Variants in GRID2 observed in about 807,000 individuals in gnomAD.
The protein encoded by GRID2 is glutamate ionotropic receptor delta type subunit 2.
GRID2 carries 33 observed loss-of-function variants against 114.8 expected under a neutral mutation model. That is an observed-to-expected ratio of 0.29 (90% CI 0.22 to 0.38). The LOEUF (loss-of-function observed/expected upper bound fraction) is 0.38, where lower values mean the gene tolerates loss of function less well. Ranked by LOEUF, GRID2 falls within the 10% of genes least tolerant of loss-of-function variation. The pLI is 1.00. For missense variants in GRID2, 1,184 were observed against 1,257.7 expected (o/e 0.94, Z 0.89); for synonymous variants, 505 against 449.9 (o/e 1.12, Z -1.55).
rs145493635 is a variant in GRID2 at position 92,670,367 on chromosome 4, C to G, written c.244+80081C>G. ...TATCATTTTTGGGAGCTTGCAGTGG[C>G]TTTGGGAACTTTTTTTTAAACTGAT... On this transcript the variant is annotated intron_variant, in intron 2 of 15. Coordinates refer to ENST00000282020, the MANE Select transcript of GRID2 (RefSeq NM_001510.4). Among the ~76,000 whole-genome samples, 5 of 152,068 alleles carry G rather than the reference C, an allele frequency of 3.3e-5. No homozygotes were observed. The East Asian group carries it at 9.7e-4, about 29-fold the overall frequency.
chr4:92,606,333 T>C (rs1729448817), intron 2 of GRID2, among the ~76,000 whole-genome samples: 1 of 151,180 alleles, frequency 6.6e-6, no homozygotes, highest in Non-Finnish European at 1.5e-5. Flanking sequence ...TTATTAGCGT[T>C]TTACAGATGA....
chr4:93,476,764 T>C (rs955578303), intron 11 of GRID2, among the ~76,000 whole-genome samples: 1 of 152,118 alleles, frequency 6.6e-6, no homozygotes, highest in Non-Finnish European at 1.5e-5. Flanking sequence ...TGGGAGTCAA[T>C]AAGTGTTTGG....
At chr4:93,064,039 A>G (rs1375138163) in intron 2 of GRID2, among the ~76,000 whole-genome samples, 1 of 116,484 alleles carries the variant, frequency 8.6e-6, no homozygotes, top group African/African-American at 3.5e-5. Flanking sequence ...TGTTTAACAT[A>G]TTACGCTGTT....
chr4:92,788,401 G>A (rs1739419172), intron 2 of GRID2, among the ~76,000 whole-genome samples: 1 of 151,826 alleles, frequency 6.6e-6, no homozygotes, highest in Non-Finnish European at 1.5e-5. Flanking sequence ...AATGGGAAAG[G>A]GGAATATAGC....
chr4:92,772,302 A>C (rs1738581643), intron 2 of GRID2, among the ~76,000 whole-genome samples: 1 of 152,088 alleles, frequency 6.6e-6, no homozygotes, highest in Non-Finnish European at 1.5e-5. Context: ...CTAACTACAT[A>C]TCTCAATCTT....
chr4:93,392,142 G>A (rs547898054), intron 8 of GRID2, among the ~76,000 whole-genome samples: 1 of 152,134 alleles, frequency 6.6e-6, no homozygotes, highest in South Asian at 2.1e-4. Flanking sequence ...GTGCTGCAAG[G>A]GCCATCTTTA....
intron 2 of GRID2, among the ~76,000 whole-genome samples, chr4:92,729,019 T>C (rs1056178538): frequency 2.0e-5 from 3 of 152,098 alleles, no homozygotes; most frequent in Non-Finnish European, 4.4e-5. Flanking sequence ...TAGGTATTCA[T>C]TCTATAATGC....
At chr4:93,133,728 A>G (rs546757372) in intron 4 of GRID2, among the ~76,000 whole-genome samples, 5 of 152,192 alleles carry the variant, frequency 3.3e-5, no homozygotes, top group African/African-American at 1.2e-4. Context: ...ATTTCCCCTA[A>G]TTACCAACAG....
chr4:93,793,399 C>A (rs80087518), intron 1 of GRID2, among the ~76,000 whole-genome samples: 3,150 of 152,214 alleles, frequency 0.021, 59 homozygotes, highest in Non-Finnish European at 0.033. Flanking sequence ...TGATCTATAG[C>A]ACACTTTAAA....
intron 2 of GRID2, among the ~76,000 whole-genome samples, chr4:92,819,391 A>G (rs1001433459): frequency 5.3e-5 from 8 of 152,112 alleles, no homozygotes; most frequent in African/African-American, 1.9e-4. Flanking sequence ...CCACTGGACT[A>G]AAATGAAGGG....
intron 1 of GRID2, among the ~76,000 whole-genome samples, chr4:92,532,388 C>T (rs1266943387): frequency 6.6e-6 from 1 of 152,170 alleles, no homozygotes; most frequent in East Asian, 1.9e-4. Flanking sequence ...TGGTTATCAT[C>T]AATACCTAGG....
At chr4:93,253,798 A>G (rs183931292) in intron 8 of GRID2, among the ~76,000 whole-genome samples, 53 of 152,258 alleles carry the variant, frequency 3.5e-4, no homozygotes, top group African/African-American at 1.3e-3. Context: ...TTTTTATTCC[A>G]AAATAAGGCC....
intron 8 of GRID2, among the ~76,000 whole-genome samples, chr4:93,309,761 T>C (rs1579625797): frequency 1.3e-5 from 2 of 152,050 alleles, no homozygotes; most frequent in Non-Finnish European, 2.9e-5. Flanking sequence ...GGAGTAGCAG[T>C]TTTAAAGATT....
intron 2 of GRID2, among the ~76,000 whole-genome samples, chr4:92,829,750 G>A (rs1369780657): frequency 6.6e-6 from 1 of 151,986 alleles, no homozygotes; most frequent in East Asian, 1.9e-4. Context: ...TACTATGCAG[G>A]CATAAGAAAG....
At chr4:93,790,520 T>A (rs1433310617) in intron 1 of GRID2, among the ~76,000 whole-genome samples, 1 of 149,316 alleles carries the variant, frequency 6.7e-6, no homozygotes, top group Non-Finnish European at 1.5e-5. Flanking sequence ...CTTCTTTAGG[T>A]TAGCCCTCAA....
chr4:93,269,562 G>A (rs1751204481), intron 8 of GRID2, among the ~76,000 whole-genome samples: 1 of 152,282 alleles, frequency 6.6e-6, no homozygotes, highest in South Asian at 2.1e-4. Context: ...CATTTGGAAT[G>A]GTCCTAGAGA....
chr4:93,521,003 G>C (rs1453145241), intron 13 of GRID2, among the ~76,000 whole-genome samples: 1 of 152,128 alleles, frequency 6.6e-6, no homozygotes, highest in African/African-American at 2.4e-5. Flanking sequence ...GGGTGGACCA[G>C]AGTGATTATG....
chr4:93,740,570 G>A (rs1185068772), intron 14 of GRID2, among the ~76,000 whole-genome samples: 1 of 152,200 alleles, frequency 6.6e-6, no homozygotes, highest in South Asian at 2.1e-4. Context: ...TGCTGGAGTT[G>A]CTGTAGCGCC....
At chr4:92,610,078 A>G (rs1053263595) in intron 2 of GRID2, among the ~76,000 whole-genome samples, 1 of 151,668 alleles carries the variant, frequency 6.6e-6, no homozygotes, top group Non-Finnish European at 1.5e-5. Flanking sequence ...ATTACATTTC[A>G]TACCTTTCCT....
Sources: allele counts gnomAD v4.1 joint callset (sites outside exome capture counted in the v4.1 genomes callset), GRCh38; gene constraint gnomAD v4.1.1; transcripts MANE v1.5; gene names NCBI Gene and HGNC (gene_info 2026-07-23, HGNC 2026-07-21).